Variants in NSD1 observed in about 807,000 individuals in gnomAD.
NSD1 encodes the protein nuclear receptor binding SET domain protein 1.
In NSD1, 26 loss-of-function variants were observed where a neutral mutation model predicts 242.7. That is an observed-to-expected ratio of 0.11 (90% CI 0.08 to 0.15). NSD1 has a LOEUF of 0.15. NSD1 is among the 10% of genes least tolerant of loss of function. The pLI, the probability that NSD1 is intolerant of heterozygous loss-of-function variation, is 1.00. For missense variants in NSD1, 2,495 were observed against 3,272.8 expected (o/e 0.76, Z 5.80); for synonymous variants, 1,106 against 1,178.1 (o/e 0.94, Z 1.25).
chr5:177,297,123 C>G lies in NSD1; in HGVS notation c.*1664C>G. On this transcript the variant is annotated 3_prime_UTR_variant, in exon 23 of 23. Transcript: ENST00000439151. Reference sequence around the variant, plus strand: ...AGAATCTGCTTTTATTTCCCAAAGTCTGTCTCTGAGGTTGAGACACTTGAA... The same window carrying G: ...AGAATCTGCTTTTATTTCCCAAAGTGTGTCTCTGAGGTTGAGACACTTGAA... 1 of 233,020 alleles carries G rather than the reference C, an allele frequency of 4.3e-6. No homozygotes were observed. The highest frequency in any genetic ancestry group is 8.5e-6 in the Non-Finnish European group (1 of 117,890). The allele number at this position is 233,020 out of a possible 1,614,324, so 14.4% of individuals were successfully genotyped here. A position where few individuals can be genotyped will look rare whatever the true frequency, so the allele number is the denominator to read the frequency against.
chr5:177,274,306 A>G lies in NSD1; in HGVS notation c.5622+522A>G, dbSNP rs1758179576. On this transcript the variant is annotated intron_variant, in intron 17 of 22. Transcript: ENST00000439151. ...CACCATTATCATCTGGGTCCAGTGG[A>G]GCCTTTGTATTTTAAACATTTTTAT... Among the ~76,000 whole-genome samples the G allele has an allele frequency of 2.0e-5, 3 of 152,206 alleles. No homozygotes were observed. In the South Asian group the frequency reaches 6.2e-4, roughly 32 times the overall value.
intron 2 of NSD1, among the ~76,000 whole-genome samples, chr5:177,183,768 G>A (rs775361880): frequency 2.6e-5 from 4 of 151,282 alleles, no homozygotes; most frequent in African/African-American, 4.9e-5. Context: ...TTCTTTAACC[G>A]TCCTCACTTC....
chr5:177,267,654 G>T lies in NSD1; in HGVS notation c.5239G>T (p.Asp1747Tyr). The T allele has an allele frequency of 6.2e-7, 1 of 1,614,012 alleles. No individual in the cohort carries two copies. Among genetic ancestry groups the T allele is most frequent in the South Asian group, 1.1e-5 (1 of 91,044 alleles). ...CCCTGAAGGAAACTGGTATTGCAAT[G>T]ACTGTAAAGCAGGCAAAAAGCCACA... Reference protein sequence around the residue: ...DIPEGNWYCNDCKAGKKPHYR... With the variant: ...DIPEGNWYCNYCKAGKKPHYR... Residue 1747 changes from aspartate to tyrosine, a missense_variant, in exon 15 of 23, where the codon GAC (aspartate) becomes TAC (tyrosine). By Grantham distance (160) the Asp-to-Tyr change is radical (BLOSUM62 -3). This residue lies in a region of NSD1 where 25 missense variants were observed against 49.7 expected (regional missense o/e 0.50). Transcript: ENST00000439151.
intron 3 of NSD1, among the ~76,000 whole-genome samples, chr5:177,194,312 T>C (rs1003814242): frequency 2.0e-5 from 3 of 151,874 alleles, no homozygotes; most frequent in African/African-American, 7.3e-5. Flanking sequence ...TAGGCTGGAG[T>C]GTAATGGCAT....
intron 22 of NSD1, among the ~76,000 whole-genome samples, chr5:177,293,058 T>C (rs1302705827): frequency 6.6e-6 from 1 of 152,214 alleles, no homozygotes; most frequent in Non-Finnish European, 1.5e-5. Flanking sequence ...GGCCATCACA[T>C]TGACCTGTCA....
At chr5:177,194,048 A>G (rs1243926605) in intron 3 of NSD1, among the ~76,000 whole-genome samples, 1 of 152,182 alleles carries the variant, frequency 6.6e-6, no homozygotes, top group Non-Finnish European at 1.5e-5. Flanking sequence ...AAGTGTTTGG[A>G]TTACAGGCGT....
chr5:177,257,288 T>A (rs918131360), intron 13 of NSD1, 137 bp downstream of exon 13: 7 of 757,374 alleles, frequency 9.2e-6, no homozygotes, highest in Non-Finnish European at 1.5e-5. Flanking sequence ...TGGAGTGCAG[T>A]GGCGTGATCT....
chr5:177,169,512 T>C, intron 2 of NSD1: 1 of 162,000 alleles, frequency 6.2e-6, no homozygotes, highest in Middle Eastern at 1.8e-3. Flanking sequence ...CTCCTCATCT[T>C]CAAGGGTCTC....
intron 2 of NSD1, among the ~76,000 whole-genome samples, chr5:177,155,491 T>A (rs1758053019): frequency 6.7e-6 from 1 of 150,318 alleles, no homozygotes. Context: ...CTCGAACTCC[T>A]GACCTCAGGT....
chr5:177,257,236 T>G (rs1252509043), intron 13 of NSD1, 85 bp downstream of exon 13: 8 of 1,199,438 alleles, frequency 6.7e-6, no homozygotes, highest in South Asian at 1.4e-5. Flanking sequence ...TTCTTTTTTT[T>G]TTTTTTTTTT....
At chr5:177,187,428 C>T (rs1370407244) in intron 2 of NSD1, among the ~76,000 whole-genome samples, 1 of 152,052 alleles carries the variant, frequency 6.6e-6, no homozygotes, top group African/African-American at 2.4e-5. Context: ...TTTTGAGCCT[C>T]AGTTTCTTTA....
intron 5 of NSD1, among the ~76,000 whole-genome samples, chr5:177,223,847 G>T (rs539432487): frequency 6.6e-6 from 1 of 152,162 alleles, no homozygotes; most frequent in South Asian, 2.1e-4. Context: ...GTAGTCAGGT[G>T]TAGTGACACA....
chr5:177,208,466 C>T (rs1005534189), intron 4 of NSD1, among the ~76,000 whole-genome samples: 3 of 151,660 alleles, frequency 2.0e-5, no homozygotes, highest in African/African-American at 7.3e-5. Flanking sequence ...TTTCTATATT[C>T]ATCATCTTTA....
intron 17 of NSD1, among the ~76,000 whole-genome samples, chr5:177,276,202 A>AT (rs1241768801): frequency 2.7e-4 from 41 of 152,134 alleles, no homozygotes; most frequent in African/African-American, 9.4e-4. Flanking sequence ...AAGAACTGGG[A>AT]TTACAGGCGT....
At position 177,136,022 on chromosome 5, in the gene NSD1, T is replaced by C. The variant is rs769684550; in HGVS notation, c.919T>C (p.Leu307=). The part of the protein sequence containing the change: ...GTSSSSTSQE[L]PFCQPKKKST... ...TTCATCATCATCTACTTCACAGGAA[T>C]TGCCATTTGTAAGCAGTTTTTGGTA... Residue 307 remains leucine (L), a synonymous_variant, in exon 2 of 23, where the codon TTG becomes CTG. Coordinates refer to ENST00000439151, the MANE Select transcript of NSD1 (RefSeq NM_022455.5). 6.2e-7 allele frequency: 1 copy of C among 1,613,990 alleles called. No homozygotes were observed. Among genetic ancestry groups the C allele is most frequent in the South Asian group, 1.1e-5 (1 of 91,048 alleles).
intron 5 of NSD1, among the ~76,000 whole-genome samples, chr5:177,227,332 C>G (rs776520788): frequency 1.4e-4 from 21 of 152,086 alleles, no homozygotes; most frequent in Non-Finnish European, 2.6e-4. Context: ...ATACATATGG[C>G]ATTAAAATAT....
At chr5:177,275,045 A>G (rs530079184) in intron 17 of NSD1, among the ~76,000 whole-genome samples, 1 of 151,236 alleles carries the variant, frequency 6.6e-6, no homozygotes, top group South Asian at 2.1e-4. Flanking sequence ...TGTGTTTCCA[A>G]AGACTGATAA....
rs1040565632 is a variant in NSD1, at chr5:177,298,014, G to C, written c.*2555G>C. ...AAACCACTGGAAACTAGAAATTTGA[G>C]CTATTGGGCCCACCAGTAGCAGCAT... On this transcript the variant is annotated 3_prime_UTR_variant, in exon 23 of 23. Transcript: ENST00000439151. 6 of 232,628 alleles carry C rather than the reference G, an allele frequency of 2.6e-5. No individual in the cohort carries two copies. The Admixed American group carries it at 3.4e-4, about 13-fold the overall frequency. 14.4% of individuals were successfully genotyped at this position (232,628 alleles called of 1,614,324 possible).
chr5:177,263,953 G>A (rs1757196518), intron 14 of NSD1, among the ~76,000 whole-genome samples: 1 of 150,680 alleles, frequency 6.6e-6, no homozygotes, highest in South Asian at 2.1e-4. Flanking sequence ...TTGGATCATG[G>A]TAGTATTAAT....
Sources: allele counts gnomAD v4.1 joint callset (sites outside exome capture counted in the v4.1 genomes callset), GRCh38; gene constraint gnomAD v4.1.1; regional missense constraint gnomAD v4.1.1; transcripts MANE v1.5; gene names NCBI Gene and HGNC (gene_info 2026-07-23, HGNC 2026-07-21).